The following GRIA1 variants were observed in gnomAD, a reference collection of about 807,000 sequenced individuals.
GRIA1 encodes glutamate ionotropic receptor AMPA type subunit 1, also known as glutamate receptor 1.
GRIA1 carries 31 observed loss-of-function variants against 99.2 expected under a neutral mutation model. That is an observed-to-expected ratio of 0.31 (90% CI 0.23 to 0.42). GRIA1 has a LOEUF of 0.42. GRIA1 is among the 10% of genes least tolerant of loss of function. The probability of loss-of-function intolerance (pLI) is 1.00; values close to 1 mark genes in which losing one functional copy is unlikely to be tolerated. For synonymous variants in GRIA1, 438 were observed against 432.4 expected, an observed-to-expected ratio of 1.01 and a Z score of -0.16; for missense variants, 782 against 1,157.5, an observed-to-expected ratio of 0.68 and a Z score of 4.71.
chr5:153,704,450 GA>G (rs1758746620), intron 10 of GRIA1, among the ~76,000 whole-genome samples: 1 of 152,226 alleles, frequency 6.6e-6, no homozygotes, highest in Admixed American at 6.5e-5. Flanking sequence ...CCATTGGAGA[GA>G]GGTAGGAAAG....
At chr5:153,596,592 C>A (rs1257085986) in intron 2 of GRIA1, among the ~76,000 whole-genome samples, 21 of 152,108 alleles carry the variant, frequency 1.4e-4, no homozygotes, top group Non-Finnish European at 4.4e-5. Flanking sequence ...CTCCTGACTC[C>A]AAATCCAAGG....
At position 153,490,803 on chromosome 5, in the gene GRIA1, A is replaced by G; in HGVS notation, c.-86A>G. On this transcript the variant is annotated 5_prime_UTR_variant, in exon 1 of 16. Transcript: ENST00000285900. ...CTGCAGGAGGAAAAGAACAGGCAGA[A>G]CAGCGAGAAGAATAAAGGGAAAGGG... 1.0e-6 allele frequency: 1 copy of G among 969,448 alleles called. No individual in the cohort carries two copies. Among genetic ancestry groups the G allele is most frequent in the Non-Finnish European group, 1.7e-6 (1 of 591,622 alleles). The allele number at this position is 969,448 out of a possible 1,614,324, so 60.1% of individuals were successfully genotyped here. A position where few individuals can be genotyped will look rare whatever the true frequency, so the allele number is the denominator to read the frequency against.
chr5:153,612,709 ACTT>A (rs1384693145), intron 2 of GRIA1, among the ~76,000 whole-genome samples: 4 of 152,116 alleles, frequency 2.6e-5, no homozygotes, highest in Non-Finnish European at 5.9e-5. Context: ...TCCGTAAGGG[ACTT>A]CTTCTACTTC....
At chr5:153,785,745 C>A (rs181854874) in intron 13 of GRIA1, among the ~76,000 whole-genome samples, 2 of 152,176 alleles carry the variant, frequency 1.3e-5, no homozygotes, top group Admixed American at 1.3e-4. Context: ...TTATCTAGCT[C>A]GTGAATTTCC....
chr5:153,738,216 C>T (rs1403146909), intron 11 of GRIA1, among the ~76,000 whole-genome samples: 1 of 152,180 alleles, frequency 6.6e-6, no homozygotes. Context: ...GCTGGTTCTC[C>T]ATCAGTTATT....
At chr5:153,491,082 AAAG>A in intron 1 of GRIA1, 112 bp downstream of exon 1, 1 of 1,149,380 alleles carries the variant, frequency 8.7e-7, no homozygotes, top group Non-Finnish European at 1.3e-6. Context: ...TTGGCTCCCT[AAAG>A]CTGTGCTGCG....
intron 2 of GRIA1, among the ~76,000 whole-genome samples, chr5:153,522,864 A>C (rs1757274481): frequency 6.6e-6 from 1 of 152,232 alleles, no homozygotes; most frequent in Non-Finnish European, 1.5e-5. Flanking sequence ...TTGAGGATCA[A>C]ATTAATTAAT....
chr5:153,724,002 G>A (rs975331534), intron 11 of GRIA1, among the ~76,000 whole-genome samples: 3 of 152,180 alleles, frequency 2.0e-5, no homozygotes, highest in South Asian at 2.1e-4. Context: ...CCCCCAGTAG[G>A]GGCAGGCTGA....
At chr5:153,784,008 T>G (rs1352387916) in intron 13 of GRIA1, among the ~76,000 whole-genome samples, 1 of 152,200 alleles carries the variant, frequency 6.6e-6, no homozygotes, top group Non-Finnish European at 1.5e-5. Context: ...GAGCTTTAGT[T>G]ATGCTACCTA....
chr5:153,797,527 C>A (rs1765724688), intron 14 of GRIA1, among the ~76,000 whole-genome samples: 1 of 152,212 alleles, frequency 6.6e-6, no homozygotes, highest in Non-Finnish European at 1.5e-5. Flanking sequence ...ATAGTCCAAG[C>A]ACATATTCAA....
intron 5 of GRIA1, among the ~76,000 whole-genome samples, chr5:153,656,741 C>T (rs1754990319): frequency 6.6e-6 from 1 of 152,096 alleles, no homozygotes; most frequent in East Asian, 1.9e-4. Context: ...TTAAAGTGTA[C>T]AATTAAATGG....
At chr5:153,622,634 T>G (rs1162673328) in intron 2 of GRIA1, among the ~76,000 whole-genome samples, 2 of 152,212 alleles carry the variant, frequency 1.3e-5, no homozygotes, top group African/African-American at 2.4e-5. Context: ...TCTCTGAGAT[T>G]TGAATTTATG....
chr5:153,519,535 G>A (rs150015016), intron 2 of GRIA1, among the ~76,000 whole-genome samples: 1 of 147,748 alleles, frequency 6.8e-6, no homozygotes, highest in Non-Finnish European at 1.5e-5. Flanking sequence ...GGCTGAAGAA[G>A]CCAGATTGTG....
At chr5:153,621,329 T>C (rs1767027028) in intron 2 of GRIA1, among the ~76,000 whole-genome samples, 1 of 152,152 alleles carries the variant, frequency 6.6e-6, no homozygotes, top group East Asian at 1.9e-4. Flanking sequence ...AGGACAGGCA[T>C]GGTGGTACAC....
At chr5:153,560,072 G>T (rs1278786261) in intron 2 of GRIA1, among the ~76,000 whole-genome samples, 1 of 152,144 alleles carries the variant, frequency 6.6e-6, no homozygotes, top group Non-Finnish European at 1.5e-5. Flanking sequence ...AGTTTGCATA[G>T]TTTGTAAATG....
At chr5:153,569,619 T>C (rs1268448899) in intron 2 of GRIA1, among the ~76,000 whole-genome samples, 1 of 152,236 alleles carries the variant, frequency 6.6e-6, no homozygotes, top group African/African-American at 2.4e-5. Flanking sequence ...TTTTGTTACA[T>C]TTTTGTGTTT....
At chr5:153,535,152 C>A (rs763048622) in intron 2 of GRIA1, among the ~76,000 whole-genome samples, 1 of 152,108 alleles carries the variant, frequency 6.6e-6, no homozygotes, top group Non-Finnish European at 1.5e-5. Context: ...GAACTCCTGA[C>A]CTCAAGCGAT....
Position 153,699,034 on chromosome 5 carries a change from G to A in GRIA1, c.1413G>A (p.Thr471=), listed in dbSNP as rs374477331. 1.8e-5 allele frequency: 29 copies of A among 1,613,854 alleles called. No homozygotes were observed. The highest frequency in any genetic ancestry group is 4.5e-5 in the East Asian group (2 of 44,844). ...DGKYGARDPD[T]KAWNGMVGEL... ...AATACGGAGCCCGAGACCCTGACAC[G>A]AAGGCCTGGAATGGCATGGTGGGAG... is the stretch of plus-strand genomic sequence containing the variant. Residue 471 remains threonine, a synonymous_variant, in exon 10 of 16, where the codon ACG becomes ACA. Transcript: ENST00000285900.
At chr5:153,608,411 C>G (rs1449793958) in intron 2 of GRIA1, among the ~76,000 whole-genome samples, 1 of 152,004 alleles carries the variant, frequency 6.6e-6, no homozygotes, top group East Asian at 1.9e-4. Context: ...CACTGTAACC[C>G]ACATTCTTTT....
Sources: gnomAD v4.1 joint callset for allele counts (sites outside exome capture counted in the v4.1 genomes callset) on GRCh38, gnomAD v4.1.1 for gene constraint, MANE v1.5 for transcripts, NCBI Gene and HGNC (gene_info 2026-07-23, HGNC 2026-07-21) for gene names.